The following AHRR variants were observed in gnomAD, a reference collection of about 807,000 sequenced individuals.
The protein encoded by AHRR is ahR repressor.
Under a neutral mutation model 44.0 loss-of-function variants are expected in AHRR, and 28 were observed. That is an observed-to-expected ratio of 0.64 (90% CI 0.47 to 0.87). AHRR has a LOEUF of 0.87. AHRR is among the 40% of genes least tolerant of loss of function. AHRR has a pLI of 0.00. For missense variants in AHRR, 990 were observed against 953.9 expected, an observed-to-expected ratio of 1.04 and a Z score of -0.50; for synonymous variants, 434 against 407.0, an observed-to-expected ratio of 1.07 and a Z score of -0.80.
At chr5:433,817 A>G in intron 10 of AHRR, 36 bp from the exon 11 acceptor site, 1 of 1,471,636 alleles carries the variant, frequency 6.8e-7, no homozygotes. Context: ...TGGTGTCTTC[A>G]GCTGCTGTCA....
intron 4 of AHRR, among the ~76,000 whole-genome samples, chr5:386,732 T>A (rs1734181075): frequency 6.6e-6 from 1 of 152,236 alleles, no homozygotes; most frequent in Non-Finnish European, 1.5e-5. Context: ...GGTAATGTGC[T>A]ACAGCAGTAA....
At position 388,466 on chromosome 5, in the gene AHRR, A is replaced by G. The variant is rs1387256540; in HGVS notation, c.351+11750A>G. Among the ~76,000 whole-genome samples the G allele has an allele frequency of 1.3e-5, 2 of 152,170 alleles. No homozygotes were observed. Among genetic ancestry groups the G allele is most frequent in the Non-Finnish European group, 2.9e-5 (2 of 68,028 alleles). On this transcript the variant is annotated intron_variant, in intron 4 of 10. Transcript: ENST00000684583. This position sits in a 1 kb window ranked among gnomAD's most constrained non-coding sequence, Gnocchi z 5.2. ...AGGTTGTATCTGTCACACCCTTGTA[A>G]GGAGGGAGCCGGGGTCCCCACTGCT...
At chr5:417,483 G>A (rs1228650284) in intron 5 of AHRR, among the ~76,000 whole-genome samples, 2 of 152,200 alleles carry the variant, frequency 1.3e-5, no homozygotes, top group African/African-American at 4.8e-5. Flanking sequence ...AGAGAAGGCC[G>A]CTTGGTCTGC....
intron 4 of AHRR, among the ~76,000 whole-genome samples, chr5:393,997 C>T (rs542232869): frequency 1.8e-4 from 28 of 152,312 alleles, no homozygotes; most frequent in African/African-American, 6.5e-4. Flanking sequence ...TCTTCCCAGC[C>T]GAGGTCTCTC....
At chr5:431,041 C>T (rs1736701507) in intron 8 of AHRR, among the ~76,000 whole-genome samples, 1 of 152,230 alleles carries the variant, frequency 6.6e-6, no homozygotes, top group Non-Finnish European at 1.5e-5. Context: ...CTGTCCTCCG[C>T]TTACCGTCAC....
chr5:341,161 C>T (rs945078180), intron 1 of AHRR, among the ~76,000 whole-genome samples: 1 of 151,064 alleles, frequency 6.6e-6, no homozygotes, highest in Non-Finnish European at 1.5e-5. Flanking sequence ...ACTACAGGTG[C>T]ACGCCACCAT....
chr5:336,173 A>AC (rs1204662028), intron 1 of AHRR, among the ~76,000 whole-genome samples: 2 of 152,206 alleles, frequency 1.3e-5, no homozygotes, highest in East Asian at 3.8e-4. Context: ...ATGCAGATTT[A>AC]GTCTCCTGTG....
At chr5:417,758 T>C (rs374853964) in intron 5 of AHRR, among the ~76,000 whole-genome samples, 32 of 152,362 alleles carry the variant, frequency 2.1e-4, no homozygotes, top group African/African-American at 7.7e-4. Flanking sequence ...GCCTTGATTA[T>C]GAGGAAATTG....
intron 4 of AHRR, among the ~76,000 whole-genome samples, chr5:397,784 C>T (rs1734803728): frequency 8.5e-6 from 1 of 116,962 alleles, no homozygotes; most frequent in African/African-American, 3.2e-5. Context: ...CACGTAGCCC[C>T]TGACCATCCA....
rs185304066 is a variant in AHRR at position 419,611 on chromosome 5, G to A, written c.442-3118G>A. On this transcript the variant is annotated intron_variant, in intron 5 of 10. Transcript: ENST00000684583. The surrounding 1 kb of genome is among the most constrained non-coding windows in gnomAD (Gnocchi z 4.4). ...TGGCCCTAAAACGTGTCAAGAGCTC[G>A]CACAGGAGTGTTTGGAGCCATATTT... is the stretch of plus-strand genomic sequence containing the variant. 2.7e-4 allele frequency among the ~76,000 whole-genome samples: 41 copies of A among 152,228 alleles called. No homozygotes were observed. Among genetic ancestry groups the A allele is most frequent in the Admixed American group, 3.9e-4 (6 of 15,276 alleles).
rs573917215 is a variant in AHRR at position 406,299 on chromosome 5, G to A, written c.352-7045G>A. On this transcript the variant is annotated intron_variant, in intron 4 of 10. Transcript: ENST00000684583. The surrounding 1 kb of genome is among the most constrained non-coding windows in gnomAD (Gnocchi z 4.7). Reference sequence around the variant, plus strand: ...TTTCTTGCAGGAACATGGAGGGACCGGAACATGGAGGGACCAGTCCAGAAT... The same window carrying A: ...TTTCTTGCAGGAACATGGAGGGACCAGAACATGGAGGGACCAGTCCAGAAT... Among the ~76,000 whole-genome samples the A allele has an allele frequency of 5.1e-4, 77 of 152,284 alleles. No homozygotes were observed. Among genetic ancestry groups the A allele is most frequent in the African/African-American group, 1.8e-3 (75 of 41,564 alleles).
At chr5:333,824 A>G (rs1208348359) in intron 1 of AHRR, among the ~76,000 whole-genome samples, 1 of 152,004 alleles carries the variant, frequency 6.6e-6, no homozygotes, top group Non-Finnish European at 1.5e-5. Context: ...AGTGAGTTTT[A>G]TATATACTTT....
At chr5:379,730 G>T (rs1027497682) in intron 4 of AHRR, among the ~76,000 whole-genome samples, 2 of 152,144 alleles carry the variant, frequency 1.3e-5, no homozygotes, top group African/African-American at 4.8e-5. Flanking sequence ...ATATATTCTG[G>T]AAACATGTCC....
chr5:397,472 A>G (rs112628917), intron 4 of AHRR, among the ~76,000 whole-genome samples: 1,853 of 37,174 alleles, frequency 0.05, 1 homozygote, highest in African/African-American at 0.23. Context: ...GACCATCCAC[A>G]TAGCCCCTGA....
At chr5:350,775 TA>T (rs11306149) in intron 2 of AHRR, among the ~76,000 whole-genome samples, 69,427 of 133,366 alleles carry the variant, frequency 0.52, 17,232 homozygotes, top group Non-Finnish European at 0.55. Context: ...GGTGCAACAT[TA>T]AAAAAAAAAA....
intron 8 of AHRR, among the ~76,000 whole-genome samples, chr5:428,544 C>T (rs548114856): frequency 2.0e-5 from 3 of 152,320 alleles, no homozygotes; most frequent in East Asian, 3.9e-4. Flanking sequence ...TGTTGGTCCC[C>T]GAGCTTGTTG....
rs201396999 is a variant in AHRR, at chr5:434,611, G to A, written c.1871G>A (p.Gly624Asp). 4 of 1,563,702 alleles carry A rather than the reference G, an allele frequency of 2.6e-6. No homozygotes were observed. Residue 624 changes from glycine (G) to aspartate (D), a missense_variant, in exon 11 of 11, where the codon GGC (glycine) becomes GAC (aspartate). Coordinates refer to ENST00000684583, the MANE Select transcript of AHRR (RefSeq NM_001377236.1). ...TGTGCCTGCCTGGAGCCCACAGACG[G>A]CCTTCCCCAGTCGGAGCCTCCCCAC... ...AHCACLEPTD[G>D]LPQSEPPHQL...
At chr5:343,862 T>G in intron 1 of AHRR, 31 bp from the exon 2 acceptor site, 1 of 1,582,080 alleles carries the variant, frequency 6.3e-7, no homozygotes, top group Non-Finnish European at 8.6e-7. Flanking sequence ...CGTGGCGCGT[T>G]CCGGTGACCG....
chr5:356,497 G>A (rs1318810402), intron 3 of AHRR, among the ~76,000 whole-genome samples: 3 of 148,996 alleles, frequency 2.0e-5, no homozygotes, highest in East Asian at 2.0e-4. Context: ...CCTCAGTCAC[G>A]GAGTCCACCC....
Sources: gnomAD v4.1 joint callset for allele counts (sites outside exome capture counted in the v4.1 genomes callset) on GRCh38, gnomAD v4.1.1 for gene constraint, Gnocchi (gnomAD v3.1) non-coding constraint, MANE v1.5 for transcripts, NCBI Gene and HGNC (gene_info 2026-07-23, HGNC 2026-07-21) for gene names.